The following CHMP3 variants were observed in gnomAD, a reference collection of about 807,000 sequenced individuals.
The protein encoded by CHMP3 is charged multivesicular body protein 3.
In CHMP3, 8 loss-of-function variants were observed where a neutral mutation model predicts 27.4. The ratio of observed to expected loss-of-function variants is 0.29; its 90% confidence interval spans 0.17 to 0.53. The LOEUF is 0.53. CHMP3 is among the 20% of genes least tolerant of loss of function. The pLI is 0.96. For missense variants in CHMP3, 208 were observed against 271.5 expected (o/e 0.77, Z 1.64); for synonymous variants, 86 against 85.5 (o/e 1.01, Z -0.03).
At chr2:86,546,643 G>C (rs1483434066) in intron 1 of CHMP3, among the ~76,000 whole-genome samples, 1 of 151,982 alleles carries the variant, frequency 6.6e-6, no homozygotes, top group African/African-American at 2.4e-5. Flanking sequence ...TCACCACGTT[G>C]GCCAGGCTTG....
chr2:86,553,371 C>T lies in CHMP3; in HGVS notation c.45+9933G>A, dbSNP rs147036978. On this transcript the variant is annotated intron_variant, in intron 1 of 5. Coordinates refer to ENST00000263856, the MANE Select transcript of CHMP3 (RefSeq NM_016079.4). Reference sequence around the variant, plus strand: ...TTATTGAGATGGAGTCTTGCTCTGTCGCCAGCCTGGAGTGCAGTGGCACAA... The same window carrying T: ...TTATTGAGATGGAGTCTTGCTCTGTTGCCAGCCTGGAGTGCAGTGGCACAA... 7.5e-4 allele frequency among the ~76,000 whole-genome samples: 114 copies of T among 152,224 alleles called. 1 individual carries two copies. The East Asian group carries it at 0.02, about 26-fold the overall frequency.
chr2:86,559,988 C>T (rs377070667), intron 1 of CHMP3, among the ~76,000 whole-genome samples: 2 of 152,262 alleles, frequency 1.3e-5, no homozygotes, highest in South Asian at 2.1e-4. Flanking sequence ...AAAAGAGGGC[C>T]GGGCGCGGTG....
chr2:86,504,445 C>T lies in CHMP3; in HGVS notation c.*1359G>A, dbSNP rs1674809778. The T allele has an allele frequency of 6.7e-6, 1 of 149,784 alleles. No homozygotes were observed. Among genetic ancestry groups the T allele is most frequent in the Admixed American group, 6.6e-5 (1 of 15,064 alleles). 9.3% of individuals were successfully genotyped at this position (149,784 alleles called of 1,614,324 possible). ...ATTATTTAAAATAATTTTTTAACTA[C>T]ACTCTGAAGATGAAATCAAGAGTAA... On this transcript the variant is annotated 3_prime_UTR_variant, in exon 6 of 6. Coordinates refer to ENST00000263856, the MANE Select transcript of CHMP3 (RefSeq NM_016079.4).
chr2:86,563,249 T>G, intron 1 of CHMP3, 55 bp downstream of exon 1: 1 of 1,594,548 alleles, frequency 6.3e-7, no homozygotes. Flanking sequence ...ATTTACCAAC[T>G]TCACTACGCC....
intron 2 of CHMP3, among the ~76,000 whole-genome samples, chr2:86,529,791 A>G (rs112372357): frequency 0.018 from 2,789 of 152,312 alleles, 49 homozygotes; most frequent in East Asian, 0.053. Flanking sequence ...TGAACATATT[A>G]TAAGTCTCAT....
At chr2:86,543,562 T>C (rs1233183878) in intron 1 of CHMP3, among the ~76,000 whole-genome samples, 3 of 152,238 alleles carry the variant, frequency 2.0e-5, no homozygotes, top group Non-Finnish European at 4.4e-5. Context: ...GGCATCACTC[T>C]TGTTATTGAC....
intron 3 of CHMP3, among the ~76,000 whole-genome samples, chr2:86,513,844 T>C (rs939975962): frequency 1.3e-5 from 2 of 152,214 alleles, no homozygotes; most frequent in Non-Finnish European, 2.9e-5. Flanking sequence ...CAGAGAGCCG[T>C]TGGGCTTTTT....
intron 3 of CHMP3, among the ~76,000 whole-genome samples, chr2:86,525,968 C>A (rs1452167018): frequency 6.6e-6 from 1 of 152,114 alleles, no homozygotes; most frequent in African/African-American, 2.4e-5. Context: ...ATAAGATCGA[C>A]TACTGGGAGT....
chr2:86,560,834 G>T (rs949297035), intron 1 of CHMP3, among the ~76,000 whole-genome samples: 6 of 152,152 alleles, frequency 3.9e-5, no homozygotes, highest in African/African-American at 1.4e-4. Context: ...AAAGAAATAG[G>T]CATCTTACAT....
chr2:86,548,559 A>G (rs1479307119), intron 1 of CHMP3, among the ~76,000 whole-genome samples: 1 of 152,234 alleles, frequency 6.6e-6, no homozygotes, highest in Non-Finnish European at 1.5e-5. Flanking sequence ...TTAGTACAGA[A>G]CAAAATGGTG....
intron 2 of CHMP3, among the ~76,000 whole-genome samples, chr2:86,534,134 G>C (rs949861879): frequency 3.3e-5 from 5 of 149,542 alleles, no homozygotes; most frequent in African/African-American, 1.2e-4. Context: ...TATGTGAGAA[G>C]AATGTGTAGT....
At chr2:86,523,727 G>A (rs1443319746) in intron 3 of CHMP3, among the ~76,000 whole-genome samples, 1 of 152,066 alleles carries the variant, frequency 6.6e-6, no homozygotes, top group Non-Finnish European at 1.5e-5. Flanking sequence ...TTTAAAAAGA[G>A]AAGTGGGATA....
chr2:86,533,312 C>T (rs978065813), intron 2 of CHMP3, among the ~76,000 whole-genome samples: 3 of 152,166 alleles, frequency 2.0e-5, no homozygotes, highest in Non-Finnish European at 4.4e-5. Context: ...TTCTCTTCTT[C>T]CTTAGTCAAT....
At chr2:86,546,371 A>AGGGGGGGGG (rs139355609) in intron 1 of CHMP3, among the ~76,000 whole-genome samples, 1 of 97,558 alleles carries the variant, frequency 1.0e-5, no homozygotes, top group African/African-American at 4.3e-5. Flanking sequence ...AGGGAGGGGA[A>AGGGGGGGGG]GGGGGGGAGG....
chr2:86,561,361 A>C (rs904499697), intron 1 of CHMP3, among the ~76,000 whole-genome samples: 1 of 152,178 alleles, frequency 6.6e-6, no homozygotes, highest in African/African-American at 2.4e-5. Context: ...CTGGTTCAAT[A>C]TGTTAGCTAA....
chr2:86,543,594 T>C (rs931216026), intron 1 of CHMP3, among the ~76,000 whole-genome samples: 2 of 152,262 alleles, frequency 1.3e-5, no homozygotes, highest in Admixed American at 1.3e-4. Context: ...ATCATAATCA[T>C]TTTAAAACAA....
intron 1 of CHMP3, among the ~76,000 whole-genome samples, chr2:86,546,373 G>GGGGGGGA (rs1676603688): frequency 1.3e-5 from 2 of 151,720 alleles, no homozygotes; most frequent in South Asian, 2.1e-4. Context: ...GGAGGGGAAG[G>GGGGGGGA]GGGGGAGGGG....
At chr2:86,509,326 T>C (rs147723973) in intron 4 of CHMP3, among the ~76,000 whole-genome samples, 190 of 152,330 alleles carry the variant, frequency 1.2e-3, no homozygotes, top group African/African-American at 4.4e-3. Flanking sequence ...ATGCTATTTG[T>C]AAAGGACATA....
rs1165830867 is a variant in CHMP3 at position 86,563,428 on chromosome 2, G to GC, written c.-81dup. ...GGTCACGGGCAGCCGCCTGGGCGGG[G>GC]CCCGCGGAAAAGGAGGTAGTCCCAA... On this transcript the variant is annotated 5_prime_UTR_variant, in exon 1 of 6. Transcript: ENST00000263856. 9 of 1,572,080 alleles carry GC rather than the reference G, an allele frequency of 5.7e-6. No homozygotes were observed. The highest frequency in any genetic ancestry group is 7.8e-6 in the Non-Finnish European group (9 of 1,148,280).
Sources: allele counts gnomAD v4.1 joint callset (sites outside exome capture counted in the v4.1 genomes callset), GRCh38; gene constraint gnomAD v4.1.1; transcripts MANE v1.5; gene names NCBI Gene and HGNC (gene_info 2026-07-23, HGNC 2026-07-21).